Variants in ARID4A observed in about 807,000 individuals in gnomAD.
ARID4A encodes AT-rich interactive domain-containing protein 4A.
In ARID4A, 39 loss-of-function variants were observed where a neutral mutation model predicts 148.6. The ratio of observed to expected loss-of-function variants is 0.26; its 90% CI spans 0.20 to 0.34. The LOEUF is 0.34. Among genes scored for constraint, ARID4A ranks in the 10% least tolerant of loss-of-function variants. ARID4A has a pLI of 1.00. For synonymous variants in ARID4A, 475 were observed against 481.2 expected, an observed-to-expected ratio of 0.99 and a Z score of 0.17; for missense variants, 1,265 against 1,449.1, an observed-to-expected ratio of 0.87 and a Z score of 2.06.
At chr14:58,343,548 G>A (rs768801619) in intron 11 of ARID4A, among the ~76,000 whole-genome samples, 30 of 152,302 alleles carry the variant, frequency 2.0e-4, no homozygotes, top group Middle Eastern at 3.4e-3. Context: ...AAAAATCCAG[G>A]CTGGGTGCTG....
chr14:58,345,120 C>T (rs1393763510), intron 12 of ARID4A, among the ~76,000 whole-genome samples: 1 of 152,110 alleles, frequency 6.6e-6, no homozygotes, highest in Non-Finnish European at 1.5e-5. Flanking sequence ...CTCAAGTGAT[C>T]CTCTTACCTC....
At chr14:58,344,878 A>G in intron 12 of ARID4A, 111 bp downstream of exon 12, 1 of 791,426 alleles carries the variant, frequency 1.3e-6, no homozygotes, top group South Asian at 1.9e-5. Context: ...GATTTTATTT[A>G]TTTATTTATT....
At chr14:58,371,224 T>G (rs1393312926) in intron 23 of ARID4A, among the ~76,000 whole-genome samples, 1 of 152,034 alleles carries the variant, frequency 6.6e-6, no homozygotes, top group Non-Finnish European at 1.5e-5. Context: ...GTCATGATAC[T>G]TGAATAAACA....
chr14:58,346,272 GTTTTACATTGTTTAAGGCTC>G (rs912365327), intron 12 of ARID4A, 119 bp from the exon 13 acceptor site: 2 of 421,304 alleles, frequency 4.7e-6, no homozygotes, highest in African/African-American at 2.1e-5. Context: ...ATCTTGTGTT[GTTTTACATTGTTTAAGGCTC>G]TTTAAATATG....
In ARID4A at chr14:58,300,589, A is replaced by G. The variant is rs548527234; in HGVS notation, c.6+729A>G. ...CCTGTCTTATTTACTGTTTCAGCAT[A>G]TTAAGCTCTGAAATATAGCATTTTC... is the stretch of plus-strand genomic sequence containing the variant. On this transcript the variant is annotated intron_variant, in intron 2 of 23. Coordinates refer to ENST00000355431, the MANE Select transcript of ARID4A (RefSeq NM_002892.4). Among the ~76,000 whole-genome samples the G allele has an allele frequency of 3.3e-5, 5 of 152,318 alleles. No homozygotes were observed. In the East Asian group the frequency reaches 9.6e-4, roughly 29 times the overall value.
intron 3 of ARID4A, 74 bp from the exon 4 acceptor site, chr14:58,304,870 T>C: frequency 8.1e-7 from 1 of 1,237,070 alleles, no homozygotes; most frequent in Non-Finnish European, 1.2e-6. Context: ...TTAAAGACAT[T>C]ATTGTTATAG....
intron 23 of ARID4A, among the ~76,000 whole-genome samples, chr14:58,367,572 T>A (rs111660544): frequency 6.6e-6 from 1 of 152,222 alleles, no homozygotes. Context: ...TGGAACAGTG[T>A]GTACCCTGAG....
At chr14:58,365,342 A>G (rs1044122794) in intron 20 of ARID4A, 42 bp downstream of exon 20, 11 of 1,549,838 alleles carry the variant, frequency 7.1e-6, no homozygotes, top group Middle Eastern at 3.5e-4. Flanking sequence ...ATATGAAACC[A>G]AAAATCAAAA....
chr14:58,333,050 A>G (rs749770402), intron 11 of ARID4A, among the ~76,000 whole-genome samples: 4 of 152,098 alleles, frequency 2.6e-5, no homozygotes, highest in African/African-American at 7.2e-5. Flanking sequence ...CACCTTTTCC[A>G]CTTAATATTA....
chr14:58,367,031 TA>T lies in ARID4A; in HGVS notation c.3670+4del. 6.7e-7 allele frequency: 1 copy of T among 1,483,002 alleles called. No homozygotes were observed. The highest frequency in any genetic ancestry group is 8.9e-7 in the Non-Finnish European group (1 of 1,122,538). 91.9% of individuals were successfully genotyped at this position (1,483,002 alleles called of 1,614,324 possible). A position where few individuals can be genotyped will look rare whatever the true frequency, so the allele number is the denominator to read the frequency against. ...GATTAAAAAAGAAAGACAGGGAAGG[TA>T]ATTTTATTATGATTTTTCTCCCCTT... On this transcript the variant is annotated splice_donor_region_variant and intron_variant, in intron 23 of 23. Coordinates refer to ENST00000355431, the MANE Select transcript of ARID4A (RefSeq NM_002892.4).
intron 11 of ARID4A, among the ~76,000 whole-genome samples, chr14:58,342,912 TA>T (rs748069081): frequency 0.025 from 3,581 of 145,100 alleles, 46 homozygotes; most frequent in African/African-American, 0.036. Flanking sequence ...ACTCTGTCTT[TA>T]AAAAAAAAAA....
chr14:58,351,219 A>C lies in ARID4A; in HGVS notation c.1551A>C (p.Leu517=), dbSNP rs2034624513. 2 of 1,613,028 alleles carry C rather than the reference A, an allele frequency of 1.2e-6. No individual in the cohort carries two copies. The highest frequency in any genetic ancestry group is 8.5e-7 in the Non-Finnish European group (1 of 1,179,844). ...YETAEKKENE[L]LLGRKNTPKQ... The stretch of plus-strand genomic sequence containing the variant: ...CTGCAGAGAAAAAAGAAAATGAGCT[A>C]CTACTGGGGAGAAAAAATACACCAA... Residue 517 remains leucine (L), a synonymous_variant, in exon 16 of 24, where the codon CTA becomes CTC. Coordinates refer to ENST00000355431, the MANE Select transcript of ARID4A (RefSeq NM_002892.4).
intron 5 of ARID4A, among the ~76,000 whole-genome samples, chr14:58,306,586 C>G (rs1026909262): frequency 6.6e-6 from 1 of 152,140 alleles, no homozygotes; most frequent in African/African-American, 2.4e-5. Context: ...CTCATATTAA[C>G]AGCTTTCAAG....
At position 58,301,706 on chromosome 14, in the gene ARID4A, AT is replaced by A; in HGVS notation, c.117+17del. On this transcript the variant is annotated intron_variant, in intron 3 of 23. Transcript: ENST00000355431. The stretch of plus-strand genomic sequence containing the variant: ...GAAAGTTAAGGTAATATTTGTTTTT[AT>A]GCAATAGTTTTATTAACTCTAGATT... 6.3e-7 allele frequency: 1 copy of A among 1,591,676 alleles called. No homozygotes were observed. The highest frequency in any genetic ancestry group is 8.6e-7 in the Non-Finnish European group (1 of 1,161,176).
At chr14:58,305,208 G>C (rs1273210764) in intron 4 of ARID4A, among the ~76,000 whole-genome samples, 199 bp downstream of exon 4, 1 of 152,098 alleles carries the variant, frequency 6.6e-6, no homozygotes, top group Non-Finnish European at 1.5e-5. Context: ...ACATCTTCTA[G>C]AAGGGTAATT....
chr14:58,309,292 G>A (rs2031841300), intron 5 of ARID4A, among the ~76,000 whole-genome samples: 1 of 152,080 alleles, frequency 6.6e-6, no homozygotes, highest in African/African-American at 2.4e-5. Context: ...CCCCTTTAAT[G>A]TTGAATAGTA....
chr14:58,324,922 T>A (rs532746869), intron 8 of ARID4A, among the ~76,000 whole-genome samples: 1 of 152,296 alleles, frequency 6.6e-6, no homozygotes, highest in East Asian at 1.9e-4. Context: ...ACTGTAGACA[T>A]GTAAGAGATT....
At chr14:58,317,144 G>A (rs1198842613) in intron 5 of ARID4A, among the ~76,000 whole-genome samples, 1 of 142,960 alleles carries the variant, frequency 7.0e-6, no homozygotes, top group African/African-American at 2.6e-5. Flanking sequence ...AGTGAGCTGA[G>A]ATCGCGCCAC....
rs1249329970 is a variant in ARID4A, at chr14:58,323,690, T to G, written c.582+73T>G. ...TTTAAATGGATTTTTTTAAAAGCATTTAAAATATTTTGAAAGTATTAAACA... is the reference window on the plus strand; with the variant it reads ...TTTAAATGGATTTTTTTAAAAGCATGTAAAATATTTTGAAAGTATTAAACA... On this transcript the variant is annotated intron_variant, in intron 8 of 23. Coordinates refer to ENST00000355431, the MANE Select transcript of ARID4A (RefSeq NM_002892.4). 3 of 1,383,154 alleles carry G rather than the reference T, an allele frequency of 2.2e-6. No individual in the cohort carries two copies. The Admixed American group carries it at 6.3e-5, about 29-fold the overall frequency. The allele number at this position is 1,383,154 out of a possible 1,614,324, so 85.7% of individuals were successfully genotyped here.
Sources: allele counts gnomAD v4.1 joint callset (sites outside exome capture counted in the v4.1 genomes callset), GRCh38; gene constraint gnomAD v4.1.1; transcripts MANE v1.5; gene names NCBI Gene and HGNC (gene_info 2026-07-23, HGNC 2026-07-21).